Variants in ASB11 observed in about 807,000 individuals in gnomAD.
The protein encoded by ASB11 is ankyrin repeat and SOCS box protein 11.
Under a neutral mutation model 20.1 loss-of-function variants are expected in ASB11, and 17 were observed. The ratio of observed to expected loss-of-function variants is 0.85; its 90% CI spans 0.58 to 1.27. The LOEUF (loss-of-function observed/expected upper bound fraction) is 1.27. Among genes scored for constraint, ASB11 ranks in the 50% most tolerant of loss-of-function variants. ASB11 has a pLI of 0.00. For synonymous variants in ASB11, 107 were observed against 105.6 expected, an observed-to-expected ratio of 1.01 and a Z score of -0.08; for missense variants, 259 against 256.9, an observed-to-expected ratio of 1.01 and a Z score of -0.06.
chrX:15,305,498 G>A (rs769143946), intron 1 of ASB11, among the ~76,000 whole-genome samples: 1 of 111,184 alleles, frequency 9.0e-6, no homozygotes, highest in Non-Finnish European at 1.9e-5. Context: ...CATGAATGGA[G>A]TCTCTGGGTG....
At chrX:15,292,128 G>T (rs926782924) in intron 4 of ASB11, 10 of 110,782 alleles carry the variant, frequency 9.0e-5, no homozygotes, top group African/African-American at 3.3e-4. Context: ...TTTGGGAAAT[G>T]ACTAACATCA....
At chrX:15,313,987 G>A (rs976251380) in intron 1 of ASB11, among the ~76,000 whole-genome samples, 6 of 107,189 alleles carry the variant, frequency 5.6e-5, no homozygotes. Flanking sequence ...GGACCTGGGA[G>A]GCGGAGGTTG....
intron 1 of ASB11, among the ~76,000 whole-genome samples, chrX:15,314,057 CAA>C (rs760402919): frequency 0.027 from 913 of 34,096 alleles, 10 homozygotes; most frequent in African/African-American, 0.086. Context: ...GACTCCATCT[CAA>C]AAAAAAAAAA....
chrX:15,315,247 T>G (rs1163700603), intron 1 of ASB11, among the ~76,000 whole-genome samples, 178 bp downstream of exon 1: 1 of 112,054 alleles, frequency 8.9e-6, no homozygotes, highest in East Asian at 2.8e-4. Context: ...AAAATAAAGC[T>G]GAAAATCCTC....
At chrX:15,284,099 A>C (rs1242868630) in intron 6 of ASB11, among the ~76,000 whole-genome samples, 3 of 106,548 alleles carry the variant, frequency 2.8e-5, no homozygotes, top group Non-Finnish European at 5.8e-5. Flanking sequence ...AAAAATACAA[A>C]AAATTAGCCG....
At position 15,304,227 on chromosome X, in the gene ASB11, C is replaced by A. The variant is rs764796483; in HGVS notation, c.182-1420G>T. ...TGTGTGAATTTGAAATAACTGAAGG[C>A]CTTAAGGAAAGAAAGAATTTTTCCA... is the stretch of plus-strand genomic sequence containing the variant. On this transcript the variant is annotated intron_variant, in intron 1 of 6. Transcript: ENST00000480796. Among the ~76,000 whole-genome samples, 444 of 111,915 alleles carry A rather than the reference C, an allele frequency of 4.0e-3. 2 individuals carry two copies. The highest frequency in any genetic ancestry group is 6.8e-3 in the Non-Finnish European group (364 of 53,171).
At chrX:15,283,989 A>G (rs931382884) in intron 6 of ASB11, among the ~76,000 whole-genome samples, 6 of 111,130 alleles carry the variant, frequency 5.4e-5, no homozygotes, top group African/African-American at 1.3e-4. Context: ...ACGGTGGCTC[A>G]CGCCTGTAAT....
chrX:15,306,361 T>C (rs1301860802), intron 1 of ASB11, among the ~76,000 whole-genome samples: 4 of 112,117 alleles, frequency 3.6e-5, no homozygotes, highest in Non-Finnish European at 7.5e-5. Context: ...ATATTGCATT[T>C]GTATTTACCC....
intron 5 of ASB11, among the ~76,000 whole-genome samples, chrX:15,288,639 T>G (rs1927451004): frequency 9.0e-6 from 1 of 111,418 alleles, no homozygotes; most frequent in Non-Finnish European, 1.9e-5. Flanking sequence ...ATCCCAGCAC[T>G]TTGGGAGACT....
intron 1 of ASB11, chrX:15,314,287 C>G (rs1921539113): frequency 3.2e-5 from 34 of 1,048,569 alleles, no homozygotes; most frequent in Non-Finnish European, 3.6e-5. Flanking sequence ...TAGAAGATAA[C>G]TTTTCAGATC....
intron 1 of ASB11, among the ~76,000 whole-genome samples, chrX:15,306,351 A>G (rs1184420694): frequency 8.9e-6 from 1 of 112,057 alleles, no homozygotes; most frequent in Non-Finnish European, 1.9e-5. Flanking sequence ...ACATGAGCAT[A>G]TATTGCATTT....
At chrX:15,284,063 T>C (rs1449949986) in intron 6 of ASB11, among the ~76,000 whole-genome samples, 16 of 107,049 alleles carry the variant, frequency 1.5e-4, no homozygotes, top group East Asian at 3.0e-4. Context: ...CCATCCTGGC[T>C]AACACGGTGA....
intron 1 of ASB11, among the ~76,000 whole-genome samples, chrX:15,305,382 G>C (rs1199572359): frequency 1.8e-5 from 2 of 111,639 alleles, no homozygotes; most frequent in Non-Finnish European, 3.8e-5. Context: ...TAATTGGAGA[G>C]ACTGAGGAAC....
chrX:15,311,407 A>T (rs1311331576), intron 1 of ASB11, among the ~76,000 whole-genome samples: 1 of 112,650 alleles, frequency 8.9e-6, no homozygotes, highest in Non-Finnish European at 1.9e-5. Context: ...CCTGATATGC[A>T]ACTTAGAGGA....
At chrX:15,314,454 ATTC>A in intron 1 of ASB11, 2 of 1,201,904 alleles carry the variant, frequency 1.7e-6, no homozygotes, top group Non-Finnish European at 2.2e-6. Flanking sequence ...AAACTTCACA[ATTC>A]TTCTCATTTT....
At chrX:15,293,534 A>C (rs1488383756) in intron 3 of ASB11, among the ~76,000 whole-genome samples, 1 of 112,038 alleles carries the variant, frequency 8.9e-6, no homozygotes, top group Non-Finnish European at 1.9e-5. Context: ...CATGTCACCC[A>C]GTAAGCACTC....
At chrX:15,288,170 A>C in intron 5 of ASB11, 98 bp from the exon 6 acceptor site, 1 of 888,920 alleles carries the variant, frequency 1.1e-6, no homozygotes, top group Non-Finnish European at 1.5e-6. Flanking sequence ...TTTAAGTACC[A>C]TGACATACTT....
intron 1 of ASB11, among the ~76,000 whole-genome samples, chrX:15,304,550 G>A (rs1921172910): frequency 8.9e-6 from 1 of 112,160 alleles, no homozygotes; most frequent in Admixed American, 9.4e-5. Context: ...CCAGGTCTGG[G>A]CCAGGTAAAA....
At chrX:15,302,664 G>T in intron 2 of ASB11, 64 bp downstream of exon 2, 1 of 1,090,882 alleles carries the variant, frequency 9.2e-7, no homozygotes, top group Non-Finnish European at 1.3e-6. Context: ...TACAGCCAAA[G>T]CTAATAAAGA....
Sources: gnomAD v4.1 joint callset for allele counts (sites outside exome capture counted in the v4.1 genomes callset) on GRCh38, gnomAD v4.1.1 for gene constraint, MANE v1.5 for transcripts, NCBI Gene and HGNC (gene_info 2026-07-23, HGNC 2026-07-21) for gene names.